UQCC1: variants seen among roughly 807,000 people sequenced by gnomAD.
UQCC1 encodes the protein ubiquinol-cytochrome c reductase complex assembly factor 1, also known as bFGF-repressed Zic-binding protein.
Under a neutral mutation model 48.0 loss-of-function variants are expected in UQCC1, and 38 were observed. That is an observed-to-expected ratio of 0.79 (90% CI 0.61 to 1.04). UQCC1 has a LOEUF of 1.04. Ranked by LOEUF, UQCC1 falls within the 50% of genes least tolerant of loss-of-function variation. The pLI, the probability that UQCC1 is intolerant of heterozygous loss-of-function variation, is 0.00. For missense variants in UQCC1, 368 were observed against 381.8 expected (o/e 0.96, Z 0.30); for synonymous variants, 111 against 129.2 (o/e 0.86, Z 0.95).
intron 7 of UQCC1, among the ~76,000 whole-genome samples, chr20:35,340,336 AATGGAATT>A (rs1342553074): frequency 7.9e-5 from 12 of 152,312 alleles, no homozygotes; most frequent in Middle Eastern, 3.4e-3. Flanking sequence ...CCAATCCCAA[AATGGAATT>A]ACTCTGACTT....
intron 4 of UQCC1, among the ~76,000 whole-genome samples, chr20:35,374,704 T>C (rs1555811534): frequency 6.6e-6 from 1 of 152,210 alleles, no homozygotes; most frequent in Non-Finnish European, 1.5e-5. Context: ...ATCTATTCTA[T>C]AAATCTCGGG....
chr20:35,354,465 T>G (rs534284612), intron 6 of UQCC1, among the ~76,000 whole-genome samples: 12 of 151,766 alleles, frequency 7.9e-5, no homozygotes, highest in Admixed American at 7.9e-4. Context: ...GACGCAATCT[T>G]GGCTCACTGC....
intron 6 of UQCC1, among the ~76,000 whole-genome samples, chr20:35,355,339 A>G (rs1300338128): frequency 6.6e-6 from 1 of 152,262 alleles, no homozygotes; most frequent in Admixed American, 6.5e-5. Flanking sequence ...GAAGATTCCC[A>G]TGAGTTCTAC....
intron 1 of UQCC1, among the ~76,000 whole-genome samples, chr20:35,410,704 C>CAAAAAAAAAAAAAAAAAAAAAAAAAA (rs1183843739): frequency 0.017 from 45 of 2,710 alleles, 17 homozygotes; most frequent in Non-Finnish European, 0.024. Context: ...GACTCTGCCT[C>CAAAAAAAAAAAAAAAAAAAAAAAAAA]AAAAAAAAAA....
intron 2 of UQCC1, among the ~76,000 whole-genome samples, chr20:35,392,831 T>A (rs2062029154): frequency 6.6e-6 from 1 of 151,500 alleles, no homozygotes; most frequent in African/African-American, 2.4e-5. Flanking sequence ...TATATATAAT[T>A]ACATATAGCA....
At position 35,370,520 on chromosome 20, in the gene UQCC1, A is replaced by G. The variant is rs1392508611; in HGVS notation, c.406+3664T>C. Among the ~76,000 whole-genome samples the G allele has an allele frequency of 2.6e-5, 4 of 152,200 alleles. No individual in the cohort carries two copies. In the East Asian group the frequency reaches 7.7e-4, roughly 29 times the overall value. ...TGGAAGCACTTTGGTTTGATATGAAAACTTAATCTACCCACAAATGACAAA... is the reference window on the plus strand; with the variant it reads ...TGGAAGCACTTTGGTTTGATATGAAGACTTAATCTACCCACAAATGACAAA... On this transcript the variant is annotated intron_variant, in intron 5 of 9. Transcript: ENST00000374385.
At chr20:35,342,358 T>C (rs971629244) in intron 7 of UQCC1, among the ~76,000 whole-genome samples, 41 of 152,252 alleles carry the variant, frequency 2.7e-4, no homozygotes, top group Admixed American at 2.5e-3. Context: ...ATTAACACTT[T>C]GAGCCACTGC....
chr20:35,404,379 A>C (rs1191412571), intron 1 of UQCC1, among the ~76,000 whole-genome samples: 2 of 151,424 alleles, frequency 1.3e-5, no homozygotes, highest in Non-Finnish European at 2.9e-5. Context: ...CAAAAAAAAA[A>C]AAAAAACAAA....
chr20:35,360,184 A>C (rs1057155545), intron 6 of UQCC1, among the ~76,000 whole-genome samples: 2 of 152,184 alleles, frequency 1.3e-5, no homozygotes, highest in African/African-American at 2.4e-5. Context: ...TGGGTGTTTG[A>C]ACACTGCAAC....
chr20:35,305,795 G>A (rs1404902441), intron 9 of UQCC1, among the ~76,000 whole-genome samples: 1 of 152,236 alleles, frequency 6.6e-6, no homozygotes, highest in East Asian at 1.9e-4. Flanking sequence ...GAGTAACTGT[G>A]GCGTGACACC....
chr20:35,368,603 C>T (rs2061695711), intron 5 of UQCC1, among the ~76,000 whole-genome samples: 1 of 152,156 alleles, frequency 6.6e-6, no homozygotes, highest in Non-Finnish European at 1.5e-5. Context: ...TACATTATCT[C>T]ACTCAATCCT....
intron 4 of UQCC1, among the ~76,000 whole-genome samples, chr20:35,377,788 T>G (rs1281065013): frequency 1.3e-5 from 2 of 152,240 alleles, no homozygotes; most frequent in African/African-American, 4.8e-5. Context: ...CCCAAGTCTT[T>G]CCTTGAGAAG....
intron 1 of UQCC1, among the ~76,000 whole-genome samples, chr20:35,406,189 G>A (rs1048086498): frequency 6.6e-5 from 10 of 152,046 alleles, no homozygotes; most frequent in African/African-American, 1.4e-4. Flanking sequence ...GAAAAGGACC[G>A]AAAAATATTT....
chr20:35,358,689 A>G (rs2061574200), intron 6 of UQCC1, among the ~76,000 whole-genome samples: 1 of 151,990 alleles, frequency 6.6e-6, no homozygotes. Context: ...CTTCCTGAGT[A>G]GCTGGGATTA....
intron 5 of UQCC1, among the ~76,000 whole-genome samples, chr20:35,370,726 T>A (rs2061720982): frequency 6.6e-6 from 1 of 152,222 alleles, no homozygotes; most frequent in African/African-American, 2.4e-5. Flanking sequence ...CTATAATTAG[T>A]ATAAACATCA....
At chr20:35,314,871 G>A in intron 7 of UQCC1, 106 bp from the exon 8 acceptor site, 1 of 776,552 alleles carries the variant, frequency 1.3e-6, no homozygotes, top group Non-Finnish European at 1.9e-6. Context: ...GTAGAAGAGA[G>A]ACGGCCACTA....
intron 8 of UQCC1, among the ~76,000 whole-genome samples, chr20:35,307,858 G>A (rs1226815923): frequency 6.6e-6 from 1 of 152,186 alleles, no homozygotes; most frequent in African/African-American, 2.4e-5. Context: ...AAAACCGTGG[G>A]GTCTGGGAGC....
At chr20:35,381,108 A>C (rs960649690) in intron 4 of UQCC1, among the ~76,000 whole-genome samples, 3 of 152,232 alleles carry the variant, frequency 2.0e-5, no homozygotes, top group African/African-American at 7.2e-5. Flanking sequence ...TCTGAGGCAG[A>C]GAGGACATTC....
intron 7 of UQCC1, among the ~76,000 whole-genome samples, chr20:35,332,206 C>T (rs758092059): frequency 6.6e-6 from 1 of 152,202 alleles, no homozygotes; most frequent in African/African-American, 2.4e-5. Flanking sequence ...GGGGAATGGC[C>T]TGTTTCCTGG....
Sources: gnomAD v4.1 joint callset for allele counts (sites outside exome capture counted in the v4.1 genomes callset) on GRCh38, gnomAD v4.1.1 for gene constraint, MANE v1.5 for transcripts, NCBI Gene and HGNC (gene_info 2026-07-23, HGNC 2026-07-21) for gene names.